Variants in FRMPD2 observed in about 807,000 individuals in gnomAD.
FRMPD2 encodes FERM and PDZ domain-containing protein 2.
In FRMPD2, 96 loss-of-function variants were observed where a neutral mutation model predicts 140.1. That is an observed-to-expected ratio of 0.69 (90% CI 0.58 to 0.81). FRMPD2 has a LOEUF of 0.81. Ranked by LOEUF, FRMPD2 falls within the 40% of genes least tolerant of loss-of-function variation. FRMPD2 has a pLI of 0.00. For synonymous variants in FRMPD2, 449 were observed against 547.6 expected, an observed-to-expected ratio of 0.82 and a Z score of 2.52; for missense variants, 1,240 against 1,447.4, an observed-to-expected ratio of 0.86 and a Z score of 2.32.
intron 1 of FRMPD2, among the ~76,000 whole-genome samples, chr10:48,274,228 G>A (rs1438601187): frequency 6.6e-6 from 1 of 152,190 alleles, no homozygotes; most frequent in East Asian, 1.9e-4. Flanking sequence ...CGAGTCTTAG[G>A]AAAGTTAAAA....
At chr10:48,208,640 A>G (rs1327725935) in intron 13 of FRMPD2, among the ~76,000 whole-genome samples, 1 of 152,244 alleles carries the variant, frequency 6.6e-6, no homozygotes, top group Non-Finnish European at 1.5e-5. Flanking sequence ...AATGTTGTCA[A>G]TGACATCTTC....
At chr10:48,274,812 C>G, upstream of FRMPD2, 1 of 512,482 alleles carries the variant, frequency 2.0e-6, no homozygotes, top group Non-Finnish European at 3.5e-6. Flanking sequence ...GCAGGCACTG[C>G]CACCCCAGCA....
chr10:48,246,046 C>T (rs1057116681), intron 3 of FRMPD2, among the ~76,000 whole-genome samples: 5 of 152,182 alleles, frequency 3.3e-5, no homozygotes, highest in East Asian at 1.9e-4. Flanking sequence ...CAGCTCCCAC[C>T]CCTCAGATGA....
At chr10:48,186,833 C>T (rs1374977380) in intron 17 of FRMPD2, among the ~76,000 whole-genome samples, 10 of 152,132 alleles carry the variant, frequency 6.6e-5, no homozygotes, top group African/African-American at 2.4e-4. Context: ...GGACTGCCAT[C>T]TACTCTGTGT....
intron 14 of FRMPD2, 57 bp from the exon 15 acceptor site, chr10:48,201,441 G>T (rs1342010430): frequency 1.3e-6 from 2 of 1,524,964 alleles, no homozygotes; most frequent in Non-Finnish European, 9.0e-7. Flanking sequence ...CTCCACTGAC[G>T]CACAACTGCA....
intron 15 of FRMPD2, among the ~76,000 whole-genome samples, chr10:48,196,336 A>G (rs1047066977): frequency 6.6e-6 from 1 of 152,206 alleles, no homozygotes; most frequent in Non-Finnish European, 1.5e-5. Flanking sequence ...ATGGAAGAAA[A>G]TGACAGGATT....
In FRMPD2 at chr10:48,232,248, A is replaced by G; in HGVS notation, c.1035T>C (p.Cys345=). ...GKSYLALRDL[C]VVLLNGQHLE... The stretch of plus-strand genomic sequence containing the variant: ...GGTGCTGCCCGTTCAGCAGGACCAC[A>G]CAGAGGTCCCTGAGAGCCAAATAGG... Residue 345 remains cysteine (C), a synonymous_variant, in exon 10 of 29, where the codon TGT becomes TGC. Coordinates refer to ENST00000374201, the MANE Select transcript of FRMPD2 (RefSeq NM_001018071.4). 1.2e-6 allele frequency: 2 copies of G among 1,613,878 alleles called. No individual in the cohort carries two copies. Among genetic ancestry groups the G allele is most frequent in the Non-Finnish European group, 1.7e-6 (2 of 1,179,788 alleles).
At chr10:48,198,575 T>A (rs192364074) in intron 15 of FRMPD2, among the ~76,000 whole-genome samples, 22 of 152,308 alleles carry the variant, frequency 1.4e-4, no homozygotes, top group Non-Finnish European at 2.9e-4. Context: ...TTAGGTCCCA[T>A]ATGAATTTTA....
In FRMPD2 at chr10:48,240,227, G is replaced by A. The variant is rs922523689; in HGVS notation, c.700+133C>T. ...CTAAGCTCAGCCCCTTCTCTTCAGG[G>A]GCTTCCTGAAAGAGTGGCACTTACA... On this transcript the variant is annotated intron_variant, in intron 6 of 28. Coordinates refer to ENST00000374201, the MANE Select transcript of FRMPD2 (RefSeq NM_001018071.4). 3 of 970,010 alleles carry A rather than the reference G, an allele frequency of 3.1e-6. No individual in the cohort carries two copies. The Admixed American group carries it at 7.7e-5, about 25-fold the overall frequency. 60.1% of individuals were successfully genotyped at this position (970,010 alleles called of 1,614,324 possible). A position where few individuals can be genotyped will look rare whatever the true frequency, so the allele number is the denominator to read the frequency against.
At chr10:48,216,328 A>G (rs1839449883) in intron 12 of FRMPD2, among the ~76,000 whole-genome samples, 1 of 151,992 alleles carries the variant, frequency 6.6e-6, no homozygotes, top group Admixed American at 6.6e-5. Context: ...AGATAGATAG[A>G]TGATAAATAG....
chr10:48,164,165 T>C (rs1392371465), intron 27 of FRMPD2, among the ~76,000 whole-genome samples: 11 of 150,484 alleles, frequency 7.3e-5, no homozygotes, highest in African/African-American at 2.7e-4. Context: ...CTGGTTTTGA[T>C]GATGTGCTAT....
At chr10:48,207,581 T>C (rs1839229973) in intron 13 of FRMPD2, among the ~76,000 whole-genome samples, 2 of 152,210 alleles carry the variant, frequency 1.3e-5, no homozygotes, top group South Asian at 4.1e-4. Flanking sequence ...GGGACTGCGT[T>C]AGGCCACCAA....
intron 13 of FRMPD2, 42 bp from the exon 14 acceptor site, chr10:48,206,975 G>A: frequency 6.3e-7 from 1 of 1,582,394 alleles, no homozygotes; most frequent in Admixed American, 1.7e-5. Flanking sequence ...CAGGCACATG[G>A]TTTAAAATAA....
Position 48,238,195 on chromosome 10 carries a change from C to T in FRMPD2, c.789-72G>A, listed in dbSNP as rs1442585088. 8 of 1,526,534 alleles carry T rather than the reference C, an allele frequency of 5.2e-6. No homozygotes were observed. In the Admixed American group the frequency reaches 1.3e-4, roughly 25 times the overall value. The allele number at this position is 1,526,534 out of a possible 1,614,324, so 94.6% of individuals were successfully genotyped here. On this transcript the variant is annotated intron_variant, in intron 7 of 28. Coordinates refer to ENST00000374201, the MANE Select transcript of FRMPD2 (RefSeq NM_001018071.4). ...CTTCCATGGCATGAAAGACCACCCGCACAGGGGCTCAGTTGGGCAGGGTGC... is the reference window on the plus strand; with the variant it reads ...CTTCCATGGCATGAAAGACCACCCGTACAGGGGCTCAGTTGGGCAGGGTGC...
intron 28 of FRMPD2, among the ~76,000 whole-genome samples, chr10:48,161,899 C>G (rs1403372756): frequency 2.0e-5 from 3 of 150,406 alleles, no homozygotes; most frequent in Admixed American, 6.6e-5. Flanking sequence ...AAATTAAAGG[C>G]ACTTGGCAAG....
chr10:48,220,161 G>A (rs879058329), intron 12 of FRMPD2, among the ~76,000 whole-genome samples: 5 of 152,130 alleles, frequency 3.3e-5, no homozygotes, highest in Admixed American at 6.6e-5. Flanking sequence ...CAAATCTGGA[G>A]ACATTACATT....
chr10:48,260,930 A>T (rs1298596456), intron 1 of FRMPD2, among the ~76,000 whole-genome samples: 1 of 152,224 alleles, frequency 6.6e-6, no homozygotes, highest in Non-Finnish European at 1.5e-5. Flanking sequence ...GGTAAAATGT[A>T]AGCAGAGACA....
intron 22 of FRMPD2, 149 bp from the exon 23 acceptor site, chr10:48,176,088 G>A (rs192359162): frequency 3.5e-5 from 23 of 648,790 alleles, no homozygotes; most frequent in African/African-American, 1.3e-4. Flanking sequence ...TCACCTGTTC[G>A]TTTAGATTGT....
chr10:48,245,955 C>T (rs753508242), intron 3 of FRMPD2, among the ~76,000 whole-genome samples: 1 of 152,362 alleles, frequency 6.6e-6, no homozygotes, highest in African/African-American at 2.4e-5. Flanking sequence ...TGGTTGTTCA[C>T]ATCTCAAGGT....
Sources: gnomAD v4.1 joint callset for allele counts (sites outside exome capture counted in the v4.1 genomes callset) on GRCh38, gnomAD v4.1.1 for gene constraint, MANE v1.5 for transcripts, NCBI Gene and HGNC (gene_info 2026-07-23, HGNC 2026-07-21) for gene names.